Variants in TTC28 observed in about 807,000 individuals in gnomAD.
The protein encoded by TTC28 is tetratricopeptide repeat protein 28.
TTC28 carries 61 observed loss-of-function variants against 198.0 expected under a neutral mutation model. That is an observed-to-expected ratio of 0.31 (90% confidence interval 0.25 to 0.38). The LOEUF is 0.38. Among genes scored for constraint, TTC28 ranks in the 10% least tolerant of loss-of-function variants. The pLI is 1.00. For missense variants in TTC28, 2,678 were observed against 3,164.0 expected, an observed-to-expected ratio of 0.85 and a Z score of 3.69; for synonymous variants, 1,171 against 1,297.8, an observed-to-expected ratio of 0.90 and a Z score of 2.10.
chr22:28,080,186 T>C (rs1281790048), intron 12 of TTC28, among the ~76,000 whole-genome samples: 1 of 152,220 alleles, frequency 6.6e-6, no homozygotes, highest in African/African-American at 2.4e-5. Flanking sequence ...GAGATCATGT[T>C]TTCAATTCTT....
At chr22:28,586,166 C>T (rs1200092117) in intron 2 of TTC28, among the ~76,000 whole-genome samples, 2 of 151,456 alleles carry the variant, frequency 1.3e-5, no homozygotes. Context: ...GTAGTCCCAG[C>T]TACTCGGGAG....
chr22:27,998,833 G>A lies in TTC28; in HGVS notation c.4826C>T (p.Ala1609Val), dbSNP rs1335461890. 1.9e-6 allele frequency: 3 copies of A among 1,550,194 alleles called. No individual in the cohort carries two copies. Among genetic ancestry groups the A allele is most frequent in the Non-Finnish European group, 2.6e-6 (3 of 1,146,994 alleles). ...PPLQELLLTA[A>V]DVLDLQLPVK... ...AGGCAGCTGCAGGTCCAGGACGTCG[G>A]CGGCAGTAAGCAGCAGCTCCTGCAG... The change falls in exon 16 of 23, where the codon GCC (alanine) becomes GTC (valine). Residue 1609 changes from alanine (A) to valine (V), a missense_variant. Physicochemically the swap from Ala to Val is moderately conservative, Grantham distance 64. This residue lies in a region of TTC28 where 727 missense variants were observed against 861.9 expected (regional missense o/e 0.84). Transcript: ENST00000397906.
intron 5 of TTC28, among the ~76,000 whole-genome samples, chr22:28,242,984 A>AT (rs1258594098): frequency 6.6e-6 from 1 of 151,252 alleles, no homozygotes; most frequent in Non-Finnish European, 1.5e-5. Context: ...AATATTTAAA[A>AT]TCCTTTAAAA....
chr22:28,131,779 G>A (rs1382300381), intron 6 of TTC28, among the ~76,000 whole-genome samples: 4 of 152,206 alleles, frequency 2.6e-5, no homozygotes, highest in Admixed American at 2.6e-4. Context: ...TATGGATTAA[G>A]TGAGATCCAG....
intron 15 of TTC28, 141 bp from the exon 16 acceptor site, chr22:27,999,401 T>G: frequency 2.4e-6 from 3 of 1,261,924 alleles, no homozygotes; most frequent in Non-Finnish European, 3.2e-6. Flanking sequence ...CCACATTCAC[T>G]CTTATTTTTC....
At chr22:28,342,433 G>C (rs1345906357) in intron 2 of TTC28, among the ~76,000 whole-genome samples, 1 of 152,060 alleles carries the variant, frequency 6.6e-6, no homozygotes, top group Non-Finnish European at 1.5e-5. Flanking sequence ...CCATTGCCCA[G>C]AGACCATCAC....
intron 1 of TTC28, among the ~76,000 whole-genome samples, chr22:28,632,781 A>G (rs76056172): frequency 6.7e-6 from 1 of 149,660 alleles, no homozygotes; most frequent in Non-Finnish European, 1.5e-5. Context: ...AAAAAAAAAA[A>G]GGAGAAGAAG....
chr22:28,039,201 C>G (rs919496476), intron 12 of TTC28, among the ~76,000 whole-genome samples: 11 of 152,202 alleles, frequency 7.2e-5, no homozygotes, highest in African/African-American at 2.7e-4. Context: ...AAACATGCTG[C>G]TATGAAGACA....
chr22:28,604,297 T>TTATA (rs35077140), intron 2 of TTC28, among the ~76,000 whole-genome samples: 8,832 of 114,022 alleles, frequency 0.077, 445 homozygotes, highest in Middle Eastern at 0.1. Context: ...AAAAAAAAAA[T>TTATA]TATATATATA....
rs1223891847 is a variant in TTC28 at position 28,105,275 on chromosome 22, C to T, written c.3307+4G>A. 1 of 1,549,244 alleles carries T rather than the reference C, an allele frequency of 6.5e-7. No homozygotes were observed. The highest frequency in any genetic ancestry group is 8.7e-7 in the Non-Finnish European group (1 of 1,145,298). On this transcript the variant is annotated splice_donor_region_variant and intron_variant, in intron 8 of 22. Coordinates refer to ENST00000397906, the MANE Select transcript of TTC28 (RefSeq NM_001145418.2). ...AAGAGAACACAATGGGCCTTTTCAC[C>T]TACCTTCCTGTAAGTACATGACTGC...
intron 5 of TTC28, among the ~76,000 whole-genome samples, chr22:28,170,405 C>T (rs868005223): frequency 9.3e-5 from 14 of 150,782 alleles, no homozygotes; most frequent in African/African-American, 3.2e-4. Context: ...AGGAGAATGG[C>T]GTGAACCCAG....
chr22:28,217,903 G>C (rs1927531928), intron 5 of TTC28, among the ~76,000 whole-genome samples: 1 of 152,114 alleles, frequency 6.6e-6, no homozygotes, highest in Admixed American at 6.5e-5. Flanking sequence ...GAAAGGAATG[G>C]CATCACTTTA....
At chr22:28,480,685 G>A (rs1415716774) in intron 2 of TTC28, among the ~76,000 whole-genome samples, 1 of 152,054 alleles carries the variant, frequency 6.6e-6, no homozygotes, top group African/African-American at 2.4e-5. Context: ...CATTTCATTA[G>A]CAGGCTAATT....
At chr22:28,475,917 T>C (rs2146310481) in intron 2 of TTC28, among the ~76,000 whole-genome samples, 2 of 152,328 alleles carry the variant, frequency 1.3e-5, no homozygotes, top group East Asian at 3.9e-4. Context: ...CTAGTTTTTT[T>C]CCTACAATAA....
At chr22:28,613,865 T>C (rs1047981072) in intron 2 of TTC28, among the ~76,000 whole-genome samples, 1 of 152,132 alleles carries the variant, frequency 6.6e-6, no homozygotes, top group African/African-American at 2.4e-5. Context: ...CTGGAAGCAT[T>C]CCCTTTGAAA....
chr22:28,328,564 G>A (rs1309387943), intron 2 of TTC28, among the ~76,000 whole-genome samples: 1 of 151,672 alleles, frequency 6.6e-6, no homozygotes, highest in Non-Finnish European at 1.5e-5. Context: ...GACCAGCCTG[G>A]CCAACCCGGT....
chr22:28,337,416 A>G (rs1011072427), intron 2 of TTC28, among the ~76,000 whole-genome samples: 2 of 152,052 alleles, frequency 1.3e-5, no homozygotes, highest in African/African-American at 4.8e-5. Flanking sequence ...TGTCTCGTTG[A>G]TCTGTCTAAT....
chr22:28,036,034 T>C (rs1939328896), intron 12 of TTC28, among the ~76,000 whole-genome samples: 1 of 152,064 alleles, frequency 6.6e-6, no homozygotes, highest in South Asian at 2.1e-4. Flanking sequence ...CCACTGTCAA[T>C]AATAATGGGA....
intron 2 of TTC28, among the ~76,000 whole-genome samples, chr22:28,456,356 C>T (rs2047859664): frequency 6.6e-6 from 1 of 151,940 alleles, no homozygotes; most frequent in Non-Finnish European, 1.5e-5. Flanking sequence ...GGATAAGAGG[C>T]TTCTTTTGGG....
Sources: gnomAD v4.1 joint callset for allele counts (sites outside exome capture counted in the v4.1 genomes callset) on GRCh38, gnomAD v4.1.1 for gene constraint, gnomAD v4.1.1 regional missense constraint, MANE v1.5 for transcripts, NCBI Gene and HGNC (gene_info 2026-07-23, HGNC 2026-07-21) for gene names.